The following ZNF43 variants were observed in gnomAD, a reference collection of about 807,000 sequenced individuals.
ZNF43 encodes the protein zinc finger protein 39-like 1 (KOX 27).
In ZNF43, 44 loss-of-function variants were observed where a neutral mutation model predicts 68.4. That is an observed-to-expected ratio of 0.64 (90% CI 0.51 to 0.83). The LOEUF is 0.83. Ranked by LOEUF, ZNF43 falls within the 40% of genes least tolerant of loss-of-function variation. The probability of loss-of-function intolerance (pLI) is 0.00; values close to 1 mark genes in which losing one functional copy is unlikely to be tolerated. For synonymous variants in ZNF43, 308 were observed against 307.8 expected (o/e 1.00, Z -0.01); for missense variants, 896 against 933.2 (o/e 0.96, Z 0.52).
At chr19:21,838,498 C>G (rs1438317584), upstream of ZNF43, among the ~76,000 whole-genome samples, 1 of 151,272 alleles carries the variant, frequency 6.6e-6, no homozygotes, top group East Asian at 2.0e-4. Flanking sequence ...CTCCTGGGTT[C>G]AAGCAATTCC....
At chr19:21,835,734 C>T (rs1478416842) in intron 1 of ZNF43, among the ~76,000 whole-genome samples, 1 of 152,202 alleles carries the variant, frequency 6.6e-6, no homozygotes, top group Non-Finnish European at 1.5e-5. Context: ...GAAACTGCAT[C>T]ACGAGTCAGG....
intron 1 of ZNF43, among the ~76,000 whole-genome samples, chr19:21,834,016 A>G (rs1164830440): frequency 6.6e-6 from 1 of 151,772 alleles, no homozygotes; most frequent in Non-Finnish European, 1.5e-5. Flanking sequence ...AACAAGAGCT[A>G]AACTCCATCT....
intron 1 of ZNF43, among the ~76,000 whole-genome samples, chr19:21,825,141 G>A (rs1442886764): frequency 6.6e-6 from 1 of 152,160 alleles, no homozygotes; most frequent in East Asian, 1.9e-4. Flanking sequence ...GGCTAAGGCA[G>A]GAGAACTGCT....
chr19:21,822,190 T>C (rs1320733510), intron 1 of ZNF43, among the ~76,000 whole-genome samples: 1 of 72,888 alleles, frequency 1.4e-5, no homozygotes, highest in Non-Finnish European at 3.1e-5. Context: ...TCCTCTGCCA[T>C]GGACACCAGC....
upstream of ZNF43, among the ~76,000 whole-genome samples, chr19:21,837,344 TTC>T (rs140466231): frequency 0.049 from 7,462 of 151,828 alleles, 394 homozygotes; most frequent in African/African-American, 0.13. Flanking sequence ...AAAGTGACCA[TTC>T]TCTGTGATTT....
intron 1 of ZNF43, chr19:21,851,864 C>G (rs1032538188): frequency 1.9e-6 from 3 of 1,548,272 alleles, no homozygotes; most frequent in Non-Finnish European, 2.6e-6. Flanking sequence ...ACTTTCACAG[C>G]CTGCTCTCCC....
Position 21,817,987 on chromosome 19 carries a change from C to A in ZNF43, c.131-1G>T. On this transcript the variant is annotated splice_acceptor_variant, in intron 2 of 3. Transcript: ENST00000354959. LOFTEE classifies it high-confidence loss of function. Reference sequence around the variant, plus strand: ...AGGTCTGGCTTAGAGACAGCAATACCTGTTTCAATAAAAAATAAATTACGT... The same window carrying A: ...AGGTCTGGCTTAGAGACAGCAATACATGTTTCAATAAAAAATAAATTACGT... 6.2e-7 allele frequency: 1 copy of A among 1,610,854 alleles called. No homozygotes were observed. The highest frequency in any genetic ancestry group is 1.1e-5 in the South Asian group (1 of 90,856).
intron 2 of ZNF43, 140 bp downstream of exon 2, chr19:21,818,955 C>T (rs1219850241): frequency 1.6e-6 from 2 of 1,230,558 alleles, no homozygotes; most frequent in East Asian, 2.7e-5. Flanking sequence ...CTTTAGTGCG[C>T]CAACAAATCC....
intron 3 of ZNF43, among the ~76,000 whole-genome samples, chr19:21,810,548 G>C (rs1220335648): frequency 6.6e-6 from 1 of 152,178 alleles, no homozygotes; most frequent in Admixed American, 6.5e-5. Context: ...AGACAAAGGA[G>C]ACTTAACAGA....
chr19:21,824,425 CGTAA>C (rs908225001), intron 1 of ZNF43, among the ~76,000 whole-genome samples: 31 of 152,210 alleles, frequency 2.0e-4, no homozygotes, highest in African/African-American at 7.0e-4. Flanking sequence ...GAGCCTCTCA[CGTAA>C]GTGTTAGCAG....
chr19:21,828,485 C>T (rs536284216), intron 1 of ZNF43, among the ~76,000 whole-genome samples: 3 of 152,034 alleles, frequency 2.0e-5, no homozygotes, highest in East Asian at 3.9e-4. Flanking sequence ...GAAGCTGAGG[C>T]GGGTGGATCA....
At chr19:21,828,965 G>A (rs1348208930) in intron 1 of ZNF43, among the ~76,000 whole-genome samples, 1 of 145,894 alleles carries the variant, frequency 6.9e-6, no homozygotes, top group African/African-American at 2.6e-5. Context: ...CCAGGGAGGC[G>A]GAGATCGCAG....
At chr19:21,820,665 T>C (rs2037779774) in intron 1 of ZNF43, among the ~76,000 whole-genome samples, 1 of 151,272 alleles carries the variant, frequency 6.6e-6, no homozygotes, top group Non-Finnish European at 1.5e-5. Flanking sequence ...ATAATTAACA[T>C]AAAATGTACT....
At chr19:21,812,852 A>T (rs1049155325) in intron 3 of ZNF43, among the ~76,000 whole-genome samples, 56 of 151,948 alleles carry the variant, frequency 3.7e-4, no homozygotes, top group African/African-American at 1.3e-3. Flanking sequence ...CCTGAGGCTG[A>T]GGCAGGAGAA....
chr19:21,845,718 A>G (rs1347207397), intron 1 of ZNF43, among the ~76,000 whole-genome samples: 1 of 152,004 alleles, frequency 6.6e-6, no homozygotes, highest in African/African-American at 2.4e-5. Flanking sequence ...ACATGGAGAA[A>G]CCCTGTCTCT....
At chr19:21,810,780 T>C (rs2037235327) in intron 3 of ZNF43, among the ~76,000 whole-genome samples, 1 of 152,090 alleles carries the variant, frequency 6.6e-6, no homozygotes, top group Non-Finnish European at 1.5e-5. Context: ...AGACTCTGTC[T>C]CTACAAATAA....
chr19:21,807,636 T>C lies in ZNF43; in HGVS notation c.2401A>G (p.Thr801Ala), dbSNP rs140896880. 7 of 1,557,232 alleles carry C rather than the reference T, an allele frequency of 4.5e-6. No homozygotes were observed. The East Asian group carries it at 1.6e-4, about 35-fold the overall frequency. Reference protein sequence around the residue: ...KPEDVTVILTTPQTFSNIK With the variant: ...KPEDVTVILTAPQTFSNIK ...TTTATGTTTGAAAAAGTTTGAGGTG[T>C]TGTCAAAATCACTGTCACATCTTCA... is the stretch of plus-strand genomic sequence containing the variant. The change falls in exon 4 of 4, where the codon ACA becomes GCA. Residue 801 changes from threonine to alanine, a missense_variant. By Grantham distance (58) the Thr-to-Ala change is moderately conservative. Transcript: ENST00000354959.
intron 1 of ZNF43, among the ~76,000 whole-genome samples, chr19:21,821,998 T>C (rs1289298524): frequency 6.6e-6 from 1 of 152,226 alleles, no homozygotes. Context: ...CTTGAGAATA[T>C]GCCTTTAAAG....
At chr19:21,809,866 TTA>T in intron 3 of ZNF43, 59 bp from the exon 4 acceptor site, 1 of 1,421,784 alleles carries the variant, frequency 7.0e-7, no homozygotes, top group Non-Finnish European at 9.3e-7. Flanking sequence ...TAAATATACT[TTA>T]TGTAACATAT....
Sources: gnomAD v4.1 joint callset for allele counts (sites outside exome capture counted in the v4.1 genomes callset) on GRCh38, gnomAD v4.1.1 for gene constraint, MANE v1.5 for transcripts, NCBI Gene and HGNC (gene_info 2026-07-23, HGNC 2026-07-21) for gene names.